Variants in ZNF652 observed in about 807,000 individuals in gnomAD.
ZNF652 encodes zinc finger protein 652.
In ZNF652, 16 loss-of-function variants were observed where a neutral mutation model predicts 45.2. The ratio of observed to expected loss-of-function variants is 0.35; its 90% confidence interval spans 0.24 to 0.54. ZNF652 has a LOEUF of 0.54. Among genes scored for constraint, ZNF652 ranks in the 20% least tolerant of loss-of-function variants. ZNF652 has a pLI of 0.91. For missense variants in ZNF652, 614 were observed against 765.6 expected (o/e 0.80, Z 2.34); for synonymous variants, 250 against 260.6 (o/e 0.96, Z 0.39).
chr17:49,351,162 C>G (rs1441688566), intron 1 of ZNF652, among the ~76,000 whole-genome samples: 1 of 151,068 alleles, frequency 6.6e-6, no homozygotes, highest in Non-Finnish European at 1.5e-5. Flanking sequence ...GGTTTTTCAC[C>G]AGAATCCACA....
chr17:49,328,479 C>G (rs114986334), intron 1 of ZNF652, among the ~76,000 whole-genome samples: 1 of 152,004 alleles, frequency 6.6e-6, no homozygotes, highest in Non-Finnish European at 1.5e-5. Flanking sequence ...GGAGGTGAGG[C>G]CTGGTGGGAG....
chr17:49,327,730 AATATATATATATATATATAT>A (rs68056731), intron 1 of ZNF652, among the ~76,000 whole-genome samples: 17 of 61,424 alleles, frequency 2.8e-4, no homozygotes, highest in African/African-American at 9.5e-4. Flanking sequence ...TAAATAAATA[AATATATATATATATATATAT>A]ATATATATAT....
intron 1 of ZNF652, among the ~76,000 whole-genome samples, chr17:49,323,249 CACA>C (rs770850584): frequency 2.2e-4 from 33 of 152,196 alleles, no homozygotes; most frequent in Non-Finnish European, 4.7e-4. Context: ...CAATAATGTT[CACA>C]ACATCTCCAC....
intron 2 of ZNF652, among the ~76,000 whole-genome samples, chr17:49,314,009 A>G (rs549663501): frequency 0.014 from 1,834 of 133,198 alleles, 36 homozygotes; most frequent in African/African-American, 0.048. Flanking sequence ...AAAAAAAAAA[A>G]AAAAGAAAAG....
chr17:49,292,011 T>C lies in ZNF652; in HGVS notation c.*6402A>G, dbSNP rs983350739. 6.6e-6 allele frequency among the ~76,000 whole-genome samples: 1 copy of C among 152,174 alleles called. No homozygotes were observed. The highest frequency in any genetic ancestry group is 1.9e-4 in the East Asian group (1 of 5,192). ...CTTTCCTGTTGCCAGACAGGAAAGA[T>C]GGAGAATGTATTAACAGCTGCCTTC... On this transcript the variant is annotated 3_prime_UTR_variant, in exon 6 of 6. Transcript: ENST00000430262.
At chr17:49,312,162 T>G in intron 3 of ZNF652, 120 bp from the exon 4 acceptor site, 1 of 259,612 alleles carries the variant, frequency 3.9e-6, no homozygotes, top group Non-Finnish European at 7.0e-6. Flanking sequence ...TGTGAGGCTT[T>G]TTTTTTTTTT....
At chr17:49,288,235 C>T (rs1266795895), downstream of ZNF652, 1 of 151,940 alleles carries the variant, frequency 6.6e-6, no homozygotes, top group African/African-American at 2.4e-5. Flanking sequence ...TTTGAAAGCA[C>T]TTATTTAGTA....
intron 5 of ZNF652, 27 bp from the exon 6 acceptor site, chr17:49,298,951 A>T (rs1038399768): frequency 1.3e-6 from 2 of 1,578,890 alleles, no homozygotes; most frequent in Non-Finnish European, 1.7e-6. Context: ...CATAAAAATG[A>T]TTAACATATT....
intron 1 of ZNF652, among the ~76,000 whole-genome samples, chr17:49,333,792 T>C (rs1384228441): frequency 6.6e-6 from 1 of 151,054 alleles, no homozygotes; most frequent in African/African-American, 2.4e-5. Flanking sequence ...CTTAACATTA[T>C]TCAGCATTAG....
At chr17:49,323,795 G>C (rs549478918) in intron 1 of ZNF652, among the ~76,000 whole-genome samples, 2 of 152,256 alleles carry the variant, frequency 1.3e-5, no homozygotes, top group East Asian at 3.9e-4. Flanking sequence ...CTTTTTTTCT[G>C]AGCAGTAGGT....
At chr17:49,345,481 C>T (rs1048389089) in intron 1 of ZNF652, among the ~76,000 whole-genome samples, 4 of 150,114 alleles carry the variant, frequency 2.7e-5, no homozygotes, top group Admixed American at 2.0e-4. Flanking sequence ...GGATTACAGG[C>T]GTAAGCCACC....
In ZNF652 at chr17:49,302,917, G is replaced by A. The variant is rs531236430; in HGVS notation, c.1310-3993C>T. Among the ~76,000 whole-genome samples the A allele has an allele frequency of 1.3e-4, 20 of 152,080 alleles. No individual in the cohort carries two copies. The East Asian group carries it at 3.3e-3, about 25-fold the overall frequency. ...GCAGGGGTTGCAGTGAGCCGAGATC[G>A]TGCCATTGCACTCCAGCCTGGGTGA... On this transcript the variant is annotated intron_variant, in intron 5 of 5. Transcript: ENST00000430262.
At chr17:49,351,000 T>TAC (rs2070269821) in intron 1 of ZNF652, among the ~76,000 whole-genome samples, 1 of 20,380 alleles carries the variant, frequency 4.9e-5, no homozygotes, top group Non-Finnish European at 9.6e-5. Context: ...TATATATATA[T>TAC]ATATATATAT....
chr17:49,324,343 C>T lies in ZNF652; in HGVS notation c.-258-6360G>A, dbSNP rs188339772. On this transcript the variant is annotated intron_variant, in intron 1 of 5. Transcript: ENST00000430262. ...GTTGTGTTTGGCTTGATCTTCCATC[C>T]AGACCACTAAACCTTCTCCATCTCA... Among the ~76,000 whole-genome samples, 128 of 152,300 alleles carry T rather than the reference C, an allele frequency of 8.4e-4. 1 individual carries two copies. The highest frequency in any genetic ancestry group is 3.0e-3 in the African/African-American group (125 of 41,564).
chr17:49,353,019 A>G (rs1021109804), intron 1 of ZNF652, among the ~76,000 whole-genome samples: 1 of 152,146 alleles, frequency 6.6e-6, no homozygotes, highest in Admixed American at 6.5e-5. Context: ...GAGTGATGGA[A>G]CTGTTCCGTG....
At chr17:49,326,653 C>T (rs868679986) in intron 1 of ZNF652, among the ~76,000 whole-genome samples, 7 of 152,316 alleles carry the variant, frequency 4.6e-5, no homozygotes, top group South Asian at 2.1e-4. Context: ...CTGGAGAGGG[C>T]CTTCTCAATG....
intron 1 of ZNF652, among the ~76,000 whole-genome samples, chr17:49,324,141 A>G (rs1030309194): frequency 1.3e-5 from 2 of 152,252 alleles, no homozygotes; most frequent in Non-Finnish European, 2.9e-5. Flanking sequence ...GAGCTTCTAC[A>G]TCAGCACTTG....
chr17:49,307,718 C>T (rs190057903), intron 5 of ZNF652, among the ~76,000 whole-genome samples: 76 of 152,246 alleles, frequency 5.0e-4, no homozygotes, highest in African/African-American at 1.7e-3. Context: ...CACCACTGCA[C>T]TCCAGCCTGG....
intron 5 of ZNF652, among the ~76,000 whole-genome samples, chr17:49,303,455 G>C (rs2069583019): frequency 6.6e-6 from 1 of 151,666 alleles, no homozygotes; most frequent in Non-Finnish European, 1.5e-5. Context: ...GGTCAGGCTG[G>C]TCTCACACTC....
Sources: gnomAD v4.1 joint callset for allele counts (sites outside exome capture counted in the v4.1 genomes callset) on GRCh38, gnomAD v4.1.1 for gene constraint, MANE v1.5 for transcripts, NCBI Gene and HGNC (gene_info 2026-07-23, HGNC 2026-07-21) for gene names.